The following PXDNL variants were observed in gnomAD, a reference collection of about 807,000 sequenced individuals.
PXDNL encodes the protein probable oxidoreductase PXDNL.
In PXDNL, 145 loss-of-function variants were observed where a neutral mutation model predicts 150.8. The ratio of observed to expected loss-of-function variants is 0.96; its 90% CI spans 0.84 to 1.10. PXDNL has a LOEUF of 1.10. Among genes scored for constraint, PXDNL ranks in the 50% least tolerant of loss-of-function variants. The pLI, the probability that PXDNL is intolerant of heterozygous loss-of-function variation, is 0.00. For missense variants in PXDNL, 2,087 were observed against 1,873.9 expected, an observed-to-expected ratio of 1.11 and a Z score of -2.10; for synonymous variants, 757 against 725.7, an observed-to-expected ratio of 1.04 and a Z score of -0.69.
intron 14 of PXDNL, among the ~76,000 whole-genome samples, chr8:51,416,538 A>C (rs1808805208): frequency 6.6e-6 from 1 of 152,234 alleles, no homozygotes; most frequent in Non-Finnish European, 1.5e-5. Context: ...TGATGTGTTT[A>C]TCAGATAGCA....
At chr8:51,788,311 T>C (rs1010732683) in intron 1 of PXDNL, among the ~76,000 whole-genome samples, 3 of 152,178 alleles carry the variant, frequency 2.0e-5, no homozygotes, top group Non-Finnish European at 2.9e-5. Context: ...AATGAAATCA[T>C]TGTCACCCAG....
At chr8:51,608,376 G>A (rs1340171553) in intron 2 of PXDNL, among the ~76,000 whole-genome samples, 1 of 118,794 alleles carries the variant, frequency 8.4e-6, no homozygotes. Context: ...GCGACAGGGA[G>A]AGACTCCGTC....
chr8:51,471,985 C>T (rs1157270013), intron 8 of PXDNL, among the ~76,000 whole-genome samples: 1 of 152,016 alleles, frequency 6.6e-6, no homozygotes, highest in Non-Finnish European at 1.5e-5. Context: ...CCACCGCGCC[C>T]GGCCGGAAAT....
At chr8:51,790,648 G>C (rs1337956905) in intron 1 of PXDNL, among the ~76,000 whole-genome samples, 1 of 151,964 alleles carries the variant, frequency 6.6e-6, no homozygotes, top group Non-Finnish European at 1.5e-5. Context: ...AGCTCTCTGC[G>C]ACACTGTCCT....
intron 1 of PXDNL, among the ~76,000 whole-genome samples, chr8:51,771,583 G>A (rs2037293983): frequency 6.6e-6 from 1 of 152,158 alleles, no homozygotes; most frequent in Non-Finnish European, 1.5e-5. Flanking sequence ...CTGCAAGTAT[G>A]TCACTTGCTT....
chr8:51,735,767 C>T (rs960802544), intron 1 of PXDNL, among the ~76,000 whole-genome samples: 13 of 151,056 alleles, frequency 8.6e-5, no homozygotes, highest in African/African-American at 3.2e-4. Flanking sequence ...GGGATGGTCT[C>T]GATCTCCTGA....
intron 1 of PXDNL, among the ~76,000 whole-genome samples, chr8:51,743,908 A>AAGGAAGGAAGGAAGGAAGGAAGG: frequency 1.5e-5 from 1 of 66,942 alleles, no homozygotes; most frequent in Non-Finnish European, 3.2e-5. Context: ...GCTGAGAGAG[A>AAGGAAGGAAGGAAGGAAGGAAGG]AAGGAAGGAA....
At chr8:51,373,270 G>A (rs537849544) in intron 18 of PXDNL, among the ~76,000 whole-genome samples, 2 of 152,310 alleles carry the variant, frequency 1.3e-5, no homozygotes, top group South Asian at 2.1e-4. Context: ...CCACATACAA[G>A]CCAGAAGAGA....
chr8:51,709,835 C>A (rs1317702570), intron 1 of PXDNL, among the ~76,000 whole-genome samples: 1 of 152,048 alleles, frequency 6.6e-6, no homozygotes, highest in African/African-American at 2.4e-5. Flanking sequence ...CATAGAATAT[C>A]ATTAAACAAA....
intron 2 of PXDNL, among the ~76,000 whole-genome samples, chr8:51,603,735 T>C (rs1813778443): frequency 6.6e-6 from 1 of 152,138 alleles, no homozygotes; most frequent in African/African-American, 2.4e-5. Flanking sequence ...GTCTTTAAAA[T>C]TAGCTTTGAA....
intron 2 of PXDNL, among the ~76,000 whole-genome samples, chr8:51,598,180 A>G (rs1813616501): frequency 6.6e-6 from 1 of 152,186 alleles, no homozygotes; most frequent in Non-Finnish European, 1.5e-5. Context: ...ATTGTCCACA[A>G]AGAGAGGTAG....
chr8:51,602,665 A>T (rs1436876296), intron 2 of PXDNL, among the ~76,000 whole-genome samples: 10 of 151,760 alleles, frequency 6.6e-5, no homozygotes, highest in Admixed American at 4.6e-4. Flanking sequence ...TTTGATGGAC[A>T]TTAACTTAAA....
chr8:51,483,805 C>A, intron 5 of PXDNL, 91 bp from the exon 6 acceptor site: 1 of 735,264 alleles, frequency 1.4e-6, no homozygotes, highest in Non-Finnish European at 2.3e-6. Flanking sequence ...GAATCCAATA[C>A]CTTTTTTGAA....
At chr8:51,461,916 T>C (rs76766471) in intron 8 of PXDNL, among the ~76,000 whole-genome samples, 3,490 of 152,248 alleles carry the variant, frequency 0.023, 119 homozygotes, top group African/African-American at 0.08. Flanking sequence ...GAAGAGTCTG[T>C]CAGCCCTTAC....
At chr8:51,541,135 A>G (rs1812208044) in intron 4 of PXDNL, among the ~76,000 whole-genome samples, 1 of 151,562 alleles carries the variant, frequency 6.6e-6, no homozygotes, top group African/African-American at 2.4e-5. Flanking sequence ...GCATGTGCCT[A>G]TAGTCCCAGC....
At chr8:51,390,168 A>G (rs1302494620) in intron 17 of PXDNL, among the ~76,000 whole-genome samples, 6 of 152,214 alleles carry the variant, frequency 3.9e-5, no homozygotes, top group African/African-American at 1.4e-4. Context: ...TGCAAAGAAC[A>G]TCTGGCATTA....
At chr8:51,658,429 T>A (rs756489010) in intron 1 of PXDNL, among the ~76,000 whole-genome samples, 3 of 150,894 alleles carry the variant, frequency 2.0e-5, no homozygotes, top group Non-Finnish European at 4.4e-5. Context: ...CGAGATCGAC[T>A]TAAACTCCAA....
At chr8:51,458,954 A>G (rs190706188) in intron 8 of PXDNL, among the ~76,000 whole-genome samples, 18 of 152,356 alleles carry the variant, frequency 1.2e-4, no homozygotes, top group African/African-American at 4.1e-4. Flanking sequence ...AAGAAGTACC[A>G]ATTAGCCAAA....
Position 51,469,279 on chromosome 8 carries a change from A to G in PXDNL, c.812+2908T>C, listed in dbSNP as rs1201714275. Among the ~76,000 whole-genome samples the G allele has an allele frequency of 2.0e-5, 3 of 152,034 alleles. No individual in the cohort carries two copies. In the East Asian group the frequency reaches 5.8e-4, roughly 29 times the overall value. On this transcript the variant is annotated intron_variant, in intron 8 of 22. Transcript: ENST00000356297. ...ATGAAAGATTTTGTCTCTGACTTTC[A>G]ATGTTGTGATCACAGTGAAGAGTAT...
Sources: allele counts gnomAD v4.1 joint callset (sites outside exome capture counted in the v4.1 genomes callset), GRCh38; gene constraint gnomAD v4.1.1; transcripts MANE v1.5; gene names NCBI Gene and HGNC (gene_info 2026-07-23, HGNC 2026-07-21).